DNER: variants seen among roughly 807,000 people sequenced by gnomAD.
DNER encodes delta/notch like EGF repeat containing.
Under a neutral mutation model 78.2 loss-of-function variants are expected in DNER, and 33 were observed. The observed-to-expected ratio is 0.42, with a 90% confidence interval of 0.32 to 0.56. The LOEUF (loss-of-function observed/expected upper bound fraction) is 0.56. Among genes scored for constraint, DNER ranks in the 20% least tolerant of loss-of-function variants. The pLI is 0.11. For synonymous variants in DNER, 417 were observed against 384.8 expected (o/e 1.08, Z -0.98); for missense variants, 918 against 975.3 (o/e 0.94, Z 0.78).
intron 6 of DNER, among the ~76,000 whole-genome samples, chr2:229,483,602 A>C (rs552750995): frequency 6.6e-6 from 1 of 152,304 alleles, no homozygotes; most frequent in African/African-American, 2.4e-5. Context: ...ATAGTGTTTA[A>C]GTTTACTTCT....
intron 8 of DNER, among the ~76,000 whole-genome samples, chr2:229,427,819 G>A (rs1693912685): frequency 6.6e-6 from 1 of 152,158 alleles, no homozygotes; most frequent in African/African-American, 2.4e-5. Flanking sequence ...GCTCACGCCT[G>A]TAATCCCAGC....
intron 10 of DNER, among the ~76,000 whole-genome samples, chr2:229,391,598 G>A (rs374869386): frequency 2.0e-4 from 30 of 152,142 alleles, no homozygotes; most frequent in African/African-American, 6.3e-4. Context: ...CTTGAGTGCA[G>A]TGGCACAATC....
intron 6 of DNER, among the ~76,000 whole-genome samples, chr2:229,503,086 C>T (rs1021794804): frequency 1.3e-5 from 2 of 152,150 alleles, no homozygotes; most frequent in Non-Finnish European, 2.9e-5. Flanking sequence ...GTACTAGGGC[C>T]ACAACTGCAA....
intron 6 of DNER, among the ~76,000 whole-genome samples, chr2:229,505,939 G>T (rs749248275): frequency 1.3e-4 from 20 of 152,134 alleles, no homozygotes; most frequent in Non-Finnish European, 2.2e-4. Context: ...ACCATAATTT[G>T]CTATTATTTA....
intron 1 of DNER, among the ~76,000 whole-genome samples, chr2:229,678,987 T>G (rs1699344783): frequency 6.6e-6 from 1 of 152,124 alleles, no homozygotes; most frequent in African/African-American, 2.4e-5. Context: ...ACAGAAACAC[T>G]GATGATTTTG....
At chr2:229,498,685 C>T (rs1462425885) in intron 6 of DNER, among the ~76,000 whole-genome samples, 1 of 152,014 alleles carries the variant, frequency 6.6e-6, no homozygotes, top group East Asian at 1.9e-4. Context: ...AAATAAAATA[C>T]TTAGAAATAC....
intron 7 of DNER, among the ~76,000 whole-genome samples, chr2:229,449,026 C>T (rs1296719264): frequency 6.6e-6 from 1 of 152,144 alleles, no homozygotes; most frequent in Non-Finnish European, 1.5e-5. Context: ...CTTGGTATTT[C>T]TCTGTGCAGT....
intron 7 of DNER, among the ~76,000 whole-genome samples, chr2:229,469,993 A>G (rs1476714430): frequency 1.3e-5 from 2 of 152,232 alleles, no homozygotes; most frequent in African/African-American, 4.8e-5. Context: ...TGCTTAACAC[A>G]TAGGAGGCAC....
At chr2:229,459,272 G>A (rs1387139945) in intron 7 of DNER, among the ~76,000 whole-genome samples, 5 of 151,976 alleles carry the variant, frequency 3.3e-5, no homozygotes, top group Non-Finnish European at 5.9e-5. Flanking sequence ...TTATGTCAGC[G>A]CAATCAAGTA....
At chr2:229,465,123 A>C (rs1694777981) in intron 7 of DNER, among the ~76,000 whole-genome samples, 1 of 152,240 alleles carries the variant, frequency 6.6e-6, no homozygotes, top group Non-Finnish European at 1.5e-5. Flanking sequence ...ATAAAGATGC[A>C]TGCATGTGTA....
chr2:229,589,909 CAA>C (rs34805706), intron 2 of DNER, among the ~76,000 whole-genome samples: 2 of 137,402 alleles, frequency 1.5e-5, no homozygotes, highest in Non-Finnish European at 3.1e-5. Flanking sequence ...TGTGGTAATA[CAA>C]AAAAAAAAAA....
intron 10 of DNER, among the ~76,000 whole-genome samples, chr2:229,392,305 A>T (rs1418020834): frequency 1.3e-5 from 2 of 151,230 alleles, no homozygotes; most frequent in Non-Finnish European, 3.0e-5. Context: ...AAGACATTGG[A>T]CAACAGGAAG....
At chr2:229,620,526 C>G (rs778359861) in intron 1 of DNER, among the ~76,000 whole-genome samples, 1 of 152,222 alleles carries the variant, frequency 6.6e-6, no homozygotes, top group Non-Finnish European at 1.5e-5. Context: ...AGATGAGCCG[C>G]AGCCTCGAGG....
chr2:229,433,498 G>A (rs2193898), intron 8 of DNER, among the ~76,000 whole-genome samples: 151,101 of 152,276 alleles, frequency 0.99, 74,975 homozygotes, highest in Middle Eastern at 1. Flanking sequence ...GCCAGAATGA[G>A]GGAAAGTAAT....
At chr2:229,535,289 A>T (rs1262442386) in intron 5 of DNER, among the ~76,000 whole-genome samples, 1 of 152,242 alleles carries the variant, frequency 6.6e-6, no homozygotes, top group African/African-American at 2.4e-5. Flanking sequence ...GGTGAAGCCA[A>T]ACAGTTTTGT....
At chr2:229,566,763 G>T (rs1559169188) in intron 4 of DNER, among the ~76,000 whole-genome samples, 1 of 152,178 alleles carries the variant, frequency 6.6e-6, no homozygotes, top group Non-Finnish European at 1.5e-5. Context: ...TAGGCTCCAA[G>T]ACACCTGTGG....
chr2:229,506,192 G>GA (rs948756403), intron 6 of DNER, among the ~76,000 whole-genome samples: 1 of 151,650 alleles, frequency 6.6e-6, no homozygotes, highest in Non-Finnish European at 1.5e-5. Flanking sequence ...CACAGGGCTG[G>GA]GGGGCCTCAA....
intron 6 of DNER, among the ~76,000 whole-genome samples, chr2:229,491,648 T>C (rs929413367): frequency 6.6e-6 from 1 of 152,184 alleles, no homozygotes; most frequent in Non-Finnish European, 1.5e-5. Context: ...AGTCAACCTA[T>C]CTGCAATCCT....
chr2:229,571,362 G>T (rs1396598579), intron 4 of DNER, among the ~76,000 whole-genome samples: 1 of 151,988 alleles, frequency 6.6e-6, no homozygotes, highest in Non-Finnish European at 1.5e-5. Context: ...TCTAGGATTT[G>T]CTTTTCCCCT....
Sources: gnomAD v4.1 joint callset for allele counts (sites outside exome capture counted in the v4.1 genomes callset) on GRCh38, gnomAD v4.1.1 for gene constraint, MANE v1.5 for transcripts, NCBI Gene and HGNC (gene_info 2026-07-23, HGNC 2026-07-21) for gene names.